Variants in ARFGEF2 observed in about 807,000 individuals in gnomAD.
The protein encoded by ARFGEF2 is brefeldin A-inhibited guanine nucleotide-exchange protein 2.
Under a neutral mutation model 219.9 loss-of-function variants are expected in ARFGEF2, and 74 were observed. That is an observed-to-expected ratio of 0.34 (90% CI 0.28 to 0.41). The LOEUF is 0.41. Among genes scored for constraint, ARFGEF2 ranks in the 10% least tolerant of loss-of-function variants. The pLI, the probability that ARFGEF2 is intolerant of heterozygous loss-of-function variation, is 1.00. For missense variants in ARFGEF2, 1,743 were observed against 2,218.3 expected, an observed-to-expected ratio of 0.79 and a Z score of 4.30; for synonymous variants, 733 against 799.2, an observed-to-expected ratio of 0.92 and a Z score of 1.40.
At chr20:48,989,230 A>G (rs773100330) in intron 18 of ARFGEF2, 55 bp from the exon 19 acceptor site, 35 of 1,599,544 alleles carry the variant, frequency 2.2e-5, no homozygotes, top group Non-Finnish European at 2.5e-5. Flanking sequence ...AGTGTATGGC[A>G]TGTAGCCAGC....
At chr20:49,005,737 C>CAAAAAAA (rs56730863) in intron 26 of ARFGEF2, among the ~76,000 whole-genome samples, 3 of 62,190 alleles carry the variant, frequency 4.8e-5, no homozygotes, top group East Asian at 8.9e-4. Context: ...GACTCCGTCT[C>CAAAAAAA]AAAAAAAAAA....
chr20:48,928,952 G>A (rs2090896570), intron 1 of ARFGEF2, among the ~76,000 whole-genome samples: 1 of 152,192 alleles, frequency 6.6e-6, no homozygotes, highest in South Asian at 2.1e-4. Flanking sequence ...AAATCTCAGG[G>A]GAGAGTCTGA....
At chr20:48,927,687 C>CA (rs879894011) in intron 1 of ARFGEF2, among the ~76,000 whole-genome samples, 383 of 124,760 alleles carry the variant, frequency 3.1e-3, no homozygotes, top group Middle Eastern at 4.8e-3. Context: ...GACTCTGTCT[C>CA]AAAAAAAAAA....
chr20:49,031,977 T>G (rs1286096898), intron 37 of ARFGEF2, 72 bp from the exon 38 acceptor site: 1 of 1,057,860 alleles, frequency 9.5e-7, no homozygotes. Flanking sequence ...AGCACAAGAA[T>G]GAATAGTTCT....
At chr20:48,980,285 T>C (rs1482908305) in intron 14 of ARFGEF2, among the ~76,000 whole-genome samples, 1 of 152,168 alleles carries the variant, frequency 6.6e-6, no homozygotes, top group Non-Finnish European at 1.5e-5. Flanking sequence ...CATGTAGTTG[T>C]GTGGTTTTGA....
intron 4 of ARFGEF2, 127 bp from the exon 5 acceptor site, chr20:48,952,578 A>G (rs1374723680): frequency 3.2e-5 from 29 of 907,900 alleles, no homozygotes; most frequent in Middle Eastern, 3.1e-4. Flanking sequence ...GAGCCATCTT[A>G]CAATTTATTT....
At chr20:48,966,072 C>G in intron 8 of ARFGEF2, 49 bp downstream of exon 8, 1 of 1,609,604 alleles carries the variant, frequency 6.2e-7, no homozygotes, top group Non-Finnish European at 8.5e-7. Context: ...TTTACTTTTT[C>G]AAAAGATGCA....
At chr20:48,990,261 C>T (rs996934469) in intron 20 of ARFGEF2, among the ~76,000 whole-genome samples, 13 of 152,260 alleles carry the variant, frequency 8.5e-5, no homozygotes, top group African/African-American at 3.1e-4. Flanking sequence ...GTTCATCTGC[C>T]TAACTTGCCT....
chr20:48,976,997 C>CT lies in ARFGEF2; in HGVS notation c.1958+801dup, dbSNP rs1485643843. ...TTTTATTTTATGTTGTTTTCTTATA[C>CT]TTTAAGTTCTAGGGTACGTGTGCAC... On this transcript the variant is annotated intron_variant, in intron 14 of 38. Coordinates refer to ENST00000371917, the MANE Select transcript of ARFGEF2 (RefSeq NM_006420.3). 2.7e-5 allele frequency among the ~76,000 whole-genome samples: 4 copies of CT among 146,604 alleles called. No homozygotes were observed. The East Asian group carries it at 7.9e-4, about 29-fold the overall frequency.
At chr20:49,012,499 T>TGTTG (rs923125734) in intron 28 of ARFGEF2, among the ~76,000 whole-genome samples, 11 of 152,112 alleles carry the variant, frequency 7.2e-5, no homozygotes, top group African/African-American at 2.7e-4. Flanking sequence ...ATGGGGTTTT[T>TGTTG]GTTTGTTTGT....
In ARFGEF2 at chr20:48,973,176, C is replaced by T; in HGVS notation, c.1557C>T (p.Asn519=). The T allele has an allele frequency of 6.2e-7, 1 of 1,614,156 alleles. No homozygotes were observed. The highest frequency in any genetic ancestry group is 2.2e-5 in the East Asian group (1 of 44,876). ...DAQCVVDIYV[N]YDCDLNAANI... ...AGTGTGTTGTGGATATTTATGTCAACTACGACTGTGATTTAAATGCTGCTA... is the reference window on the plus strand; with the variant it reads ...AGTGTGTTGTGGATATTTATGTCAATTACGACTGTGATTTAAATGCTGCTA... The change falls in exon 12 of 39, where the codon AAC becomes AAT. Residue 519 remains asparagine, a synonymous_variant. Transcript: ENST00000371917.
At chr20:48,925,706 G>A (rs1416271842) in intron 1 of ARFGEF2, among the ~76,000 whole-genome samples, 1 of 152,052 alleles carries the variant, frequency 6.6e-6, no homozygotes, top group Non-Finnish European at 1.5e-5. Context: ...GTGTGGTAGT[G>A]CATGCCTGTA....
chr20:48,965,878 C>T lies in ARFGEF2; in HGVS notation c.914C>T (p.Ala305Val), dbSNP rs1402617814. The T allele has an allele frequency of 1.4e-5, 23 of 1,613,956 alleles. No homozygotes were observed. The highest frequency in any genetic ancestry group is 2.2e-5 in the East Asian group (1 of 44,896). Residue 305 changes from alanine to valine, a missense_variant, in exon 8 of 39, where the codon GCG becomes GTG. Transcript: ENST00000371917. ...DVVTSAIKEA[A>V]EKHGLTEPER... Reference sequence around the variant, plus strand: ...TTTGTACTTGTGTTTTAAGAAGCAGCGGAAAAGCATGGTCTGACAGAACCT... The same window carrying T: ...TTTGTACTTGTGTTTTAAGAAGCAGTGGAAAAGCATGGTCTGACAGAACCT...
intron 7 of ARFGEF2, 73 bp from the exon 8 acceptor site, chr20:48,965,798 CT>C (rs1568709818): frequency 3.8e-6 from 6 of 1,577,614 alleles, no homozygotes; most frequent in Admixed American, 1.7e-5. Flanking sequence ...CAGATAACTT[CT>C]TTTTGGTGTC....
Position 48,971,161 on chromosome 20 carries a change from T to TC in ARFGEF2, c.1234dup (p.Leu412ProfsTer39). 2 of 1,614,156 alleles carry TC rather than the reference T, an allele frequency of 1.2e-6. No individual in the cohort carries two copies. The highest frequency in any genetic ancestry group is 1.7e-6 in the Non-Finnish European group (2 of 1,180,036). On this transcript the variant is annotated frameshift_variant, in exon 10 of 39. Coordinates refer to ENST00000371917, the MANE Select transcript of ARFGEF2 (RefSeq NM_006420.3). LOFTEE classifies it high-confidence loss of function. ...TCCAAGGTGGTTTCCCTGCAGCTGC[T>TC]CCTCTCTGTGTTGCAAAATGCTGGC...
chr20:49,020,700 C>T (rs1444299651), intron 34 of ARFGEF2, among the ~76,000 whole-genome samples: 1 of 152,216 alleles, frequency 6.6e-6, no homozygotes, highest in Non-Finnish European at 1.5e-5. Context: ...CCTGCCTTGG[C>T]CTCCCAAAGT....
intron 26 of ARFGEF2, among the ~76,000 whole-genome samples, chr20:49,006,154 C>T (rs6063345): frequency 0.32 from 48,633 of 151,644 alleles, 8,017 homozygotes; most frequent in East Asian, 0.47. Context: ...GTTAGCCGGG[C>T]GTGGTGGTGG....
At chr20:49,010,158 A>T in intron 26 of ARFGEF2, 74 bp from the exon 27 acceptor site, 2 of 1,539,118 alleles carry the variant, frequency 1.3e-6, no homozygotes, top group Non-Finnish European at 1.8e-6. Context: ...GCTGCTTCTA[A>T]GGGATGAGCT....
At chr20:49,024,265 G>T (rs1376194701) in intron 35 of ARFGEF2, among the ~76,000 whole-genome samples, 1 of 152,130 alleles carries the variant, frequency 6.6e-6, no homozygotes, top group Non-Finnish European at 1.5e-5. Context: ...GCACCACCAT[G>T]CCTGGCCTAC....
Sources: allele counts gnomAD v4.1 joint callset (sites outside exome capture counted in the v4.1 genomes callset), GRCh38; gene constraint gnomAD v4.1.1; transcripts MANE v1.5; gene names NCBI Gene and HGNC (gene_info 2026-07-23, HGNC 2026-07-21).